HPSE2: variants seen among roughly 807,000 people sequenced by gnomAD.
The protein encoded by HPSE2 is heparanase 2 (inactive).
In HPSE2, 38 loss-of-function variants were observed where a neutral mutation model predicts 60.5. The ratio of observed to expected loss-of-function variants is 0.63; its 90% CI spans 0.48 to 0.82. The LOEUF (loss-of-function observed/expected upper bound fraction) is 0.82, where lower values mean the gene tolerates loss of function less well. HPSE2 is among the 40% of genes least tolerant of loss of function. The pLI is 0.00. For missense variants in HPSE2, 713 were observed against 740.4 expected (o/e 0.96, Z 0.43); for synonymous variants, 295 against 293.2 (o/e 1.01, Z -0.06).
At chr10:98,993,702 G>T (rs1379754923) in intron 3 of HPSE2, among the ~76,000 whole-genome samples, 1 of 152,136 alleles carries the variant, frequency 6.6e-6, no homozygotes, top group Non-Finnish European at 1.5e-5. Context: ...CCATACTCTG[G>T]ATACTTTAAT....
At chr10:98,617,021 T>C (rs1945930185) in intron 8 of HPSE2, among the ~76,000 whole-genome samples, 2 of 152,156 alleles carry the variant, frequency 1.3e-5, no homozygotes, top group Admixed American at 6.5e-5. Context: ...ACAAATACAA[T>C]AGGGTCTATA....
chr10:99,122,471 G>A (rs981209691), intron 3 of HPSE2, among the ~76,000 whole-genome samples: 3 of 151,614 alleles, frequency 2.0e-5, no homozygotes, highest in African/African-American at 2.4e-5. Context: ...CTAGAATTAA[G>A]AAAATTTGGT....
At chr10:98,632,701 C>T (rs1946395667) in intron 7 of HPSE2, among the ~76,000 whole-genome samples, 1 of 152,128 alleles carries the variant, frequency 6.6e-6, no homozygotes, top group Non-Finnish European at 1.5e-5. Flanking sequence ...TCACAGGCAT[C>T]TAACAATATC....
chr10:98,584,978 A>G (rs547762151), intron 9 of HPSE2, among the ~76,000 whole-genome samples: 3 of 152,330 alleles, frequency 2.0e-5, no homozygotes, highest in Admixed American at 1.3e-4. Context: ...GTCACAAAAT[A>G]TTAGAGTAGT....
the HPSE2 span, among the ~76,000 whole-genome samples, chr10:99,265,647 G>A: frequency 6.6e-6 from 1 of 152,318 alleles, no homozygotes; most frequent in East Asian, 1.9e-4. Context: ...CTAAATTGCA[G>A]CTCCCACTCA....
At chr10:99,259,077 G>C in the HPSE2 span, among the ~76,000 whole-genome samples, 2 of 152,112 alleles carry the variant, frequency 1.3e-5, no homozygotes, top group Non-Finnish European at 2.9e-5. Flanking sequence ...AGGCTGATGT[G>C]GGTGGATCAC....
intron 3 of HPSE2, among the ~76,000 whole-genome samples, chr10:98,829,745 A>G (rs1045129377): frequency 6.6e-6 from 1 of 152,204 alleles, no homozygotes; most frequent in African/African-American, 2.4e-5. Context: ...AGCCTTTAAT[A>G]CATGGGCTGG....
At chr10:98,566,871 T>C (rs566160130) in intron 9 of HPSE2, among the ~76,000 whole-genome samples, 30 of 152,092 alleles carry the variant, frequency 2.0e-4, no homozygotes, top group Non-Finnish European at 4.1e-4. Context: ...AAAAGAAAAA[T>C]GGGTGAGAAT....
Position 98,798,227 on chromosome 10 carries a change from T to G in HPSE2, c.611-54171A>C, listed in dbSNP as rs947565790. Among the ~76,000 whole-genome samples the G allele has an allele frequency of 4.0e-5, 6 of 151,672 alleles. No homozygotes were observed. In the East Asian group the frequency reaches 9.6e-4, roughly 24 times the overall value. Reference sequence around the variant, plus strand: ...TTTTACCCTAAAGTGATATATCTGGTAAAATATCCTTCAAGCATGCAGGAG... The same window carrying G: ...TTTTACCCTAAAGTGATATATCTGGGAAAATATCCTTCAAGCATGCAGGAG... On this transcript the variant is annotated intron_variant, in intron 3 of 11. Coordinates refer to ENST00000370552, the MANE Select transcript of HPSE2 (RefSeq NM_021828.5).
chr10:98,849,998 C>A (rs1952130761), intron 3 of HPSE2, among the ~76,000 whole-genome samples: 1 of 152,194 alleles, frequency 6.6e-6, no homozygotes, highest in Admixed American at 6.5e-5. Flanking sequence ...GCTGCCTCAG[C>A]CTCCCAAAGT....
intron 3 of HPSE2, among the ~76,000 whole-genome samples, chr10:98,757,444 A>T (rs1317382238): frequency 1.3e-5 from 2 of 152,048 alleles, no homozygotes; most frequent in Non-Finnish European, 2.9e-5. Flanking sequence ...TAAAGACTCC[A>T]CCAAAAGGCT....
chr10:98,512,962 C>A (rs1435788837), intron 9 of HPSE2, among the ~76,000 whole-genome samples: 1 of 152,160 alleles, frequency 6.6e-6, no homozygotes, highest in Admixed American at 6.6e-5. Context: ...CATATGTTCT[C>A]ACAGAACCAT....
chr10:98,519,143 T>C (rs1942702536), intron 9 of HPSE2, among the ~76,000 whole-genome samples: 1 of 152,222 alleles, frequency 6.6e-6, no homozygotes, highest in Admixed American at 6.5e-5. Context: ...CTACATTGAA[T>C]AGAAACAAAC....
intron 3 of HPSE2, among the ~76,000 whole-genome samples, chr10:98,898,977 G>T (rs1953579826): frequency 6.6e-6 from 1 of 151,988 alleles, no homozygotes. Context: ...CTAAACATAA[G>T]AAAAAGATAA....
At chr10:99,314,487 T>A in the HPSE2 span, among the ~76,000 whole-genome samples, 4 of 152,182 alleles carry the variant, frequency 2.6e-5, no homozygotes, top group Non-Finnish European at 4.4e-5. Context: ...TTAAGGTATG[T>A]CCACTGTTTT....
chr10:98,983,690 A>G (rs373428059), intron 3 of HPSE2, among the ~76,000 whole-genome samples: 1 of 152,296 alleles, frequency 6.6e-6, no homozygotes, highest in Non-Finnish European at 1.5e-5. Flanking sequence ...AAAGCAGGGC[A>G]AGGCATCGCC....
intron 6 of HPSE2, among the ~76,000 whole-genome samples, chr10:98,687,635 A>G (rs1223701610): frequency 6.6e-6 from 1 of 152,186 alleles, no homozygotes; most frequent in African/African-American, 2.4e-5. Flanking sequence ...TATTCTGCCT[A>G]TCACAGGACA....
intron 9 of HPSE2, among the ~76,000 whole-genome samples, chr10:98,547,446 A>T (rs1434545744): frequency 6.6e-6 from 1 of 150,894 alleles, no homozygotes; most frequent in African/African-American, 2.4e-5. Flanking sequence ...AAAATGTGGC[A>T]CATATACACC....
chr10:99,276,980 C>T, the HPSE2 span, among the ~76,000 whole-genome samples: 1 of 152,140 alleles, frequency 6.6e-6, no homozygotes, highest in African/African-American at 2.4e-5. Flanking sequence ...AATTATGGTG[C>T]TATATTACCC....
Sources: allele counts gnomAD v4.1 joint callset (sites outside exome capture counted in the v4.1 genomes callset), GRCh38; gene constraint gnomAD v4.1.1; transcripts MANE v1.5; gene names NCBI Gene and HGNC (gene_info 2026-07-23, HGNC 2026-07-21).